The following ANKRD18B variants were observed in gnomAD, a reference collection of about 807,000 sequenced individuals.
The protein encoded by ANKRD18B is ankyrin repeat domain 18B.
A neutral mutation model predicts 111.8 loss-of-function variants in ANKRD18B; 75 were observed. The observed-to-expected ratio is 0.67, with a 90% CI of 0.56 to 0.81. ANKRD18B has a LOEUF of 0.81. Among genes scored for constraint, ANKRD18B ranks in the 40% least tolerant of loss-of-function variants. The pLI, the probability that ANKRD18B is intolerant of heterozygous loss-of-function variation, is 0.00. For missense variants in ANKRD18B, 1,038 were observed against 1,225.5 expected (o/e 0.85, Z 2.28); for synonymous variants, 356 against 417.3 (o/e 0.85, Z 1.79).
chr9:33,561,893 C>T (rs963374425), intron 14 of ANKRD18B, among the ~76,000 whole-genome samples: 1 of 152,032 alleles, frequency 6.6e-6, no homozygotes, highest in Non-Finnish European at 1.5e-5. Flanking sequence ...TATTCTTATA[C>T]CAGGACCAAA....
At chr9:33,570,227 A>G (rs1299020345) in intron 17 of ANKRD18B, among the ~76,000 whole-genome samples, 2 of 152,230 alleles carry the variant, frequency 1.3e-5, no homozygotes, top group African/African-American at 2.4e-5. Context: ...ATTTGCACTC[A>G]TATGTGGGAG....
At chr9:33,531,924 C>G (rs948254142) in intron 3 of ANKRD18B, among the ~76,000 whole-genome samples, 3 of 152,012 alleles carry the variant, frequency 2.0e-5, no homozygotes, top group Admixed American at 2.0e-4. Flanking sequence ...TCTTTCTTCT[C>G]AGCAATGTCC....
At chr9:33,531,564 G>T (rs10971552) in intron 3 of ANKRD18B, among the ~76,000 whole-genome samples, 6,850 of 149,834 alleles carry the variant, frequency 0.046, 237 homozygotes, top group African/African-American at 0.096. Flanking sequence ...GGTTGCCCTG[G>T]GTAGGAGGCA....
chr9:33,555,798 G>C lies in ANKRD18B; in HGVS notation c.2308G>C (p.Glu770Gln), dbSNP rs1400467988. 1 of 1,398,254 alleles carries C rather than the reference G, an allele frequency of 7.2e-7. No homozygotes were observed. The highest frequency in any genetic ancestry group is 9.3e-7 in the Non-Finnish European group (1 of 1,074,400). The allele number at this position is 1,398,254 out of a possible 1,614,324, so 86.6% of individuals were successfully genotyped here. ...TADQIRKKNR[E>Q]LEEEATGYKK... The stretch of plus-strand genomic sequence containing the variant: ...GGATCAAATAAGAAAGAAAAATCGT[G>C]AATTAGAAGAAGAGGCAACTGGGTA... Residue 770 changes from glutamate (E) to glutamine (Q), a missense_variant, in exon 13 of 19, where the codon GAA (glutamate) becomes CAA (glutamine). By Grantham distance (29) the Glu-to-Gln change is conservative (BLOSUM62 2). Coordinates refer to ENST00000684830, the MANE Select transcript of ANKRD18B (RefSeq NM_001393611.1).
chr9:33,543,936 T>A (rs1349936116), intron 10 of ANKRD18B, among the ~76,000 whole-genome samples: 1 of 152,248 alleles, frequency 6.6e-6, no homozygotes, highest in African/African-American at 2.4e-5. Context: ...ATAACCTATC[T>A]AGATAACACT....
At chr9:33,533,042 A>G (rs1402179431) in intron 3 of ANKRD18B, among the ~76,000 whole-genome samples, 1 of 152,156 alleles carries the variant, frequency 6.6e-6, no homozygotes, top group African/African-American at 2.4e-5. Context: ...TCATTAATTT[A>G]TTTTAAAAAC....
chr9:33,530,527 C>CA (rs34371607), intron 3 of ANKRD18B, among the ~76,000 whole-genome samples: 21,243 of 82,860 alleles, frequency 0.26, 2,334 homozygotes, highest in Middle Eastern at 0.26. Context: ...ACAACAAGAG[C>CA]AAAAAAAAAA....
chr9:33,548,575 A>G lies in ANKRD18B; in HGVS notation c.1787A>G (p.His596Arg), dbSNP rs1396656612. The part of the protein sequence containing the change: ...QHRIKEMKQM[H>R]PNGEAKESQS... ...CGAATAAAGGAAATGAAGCAGATGC[A>G]TCCAAATGGGGAAGCTAAAGAAAGT... Residue 596 changes from histidine to arginine, a missense_variant, in exon 11 of 19, where the codon CAT becomes CGT. By Grantham distance (29) the His-to-Arg change is conservative. Coordinates refer to ENST00000684830, the MANE Select transcript of ANKRD18B (RefSeq NM_001393611.1). 6.4e-7 allele frequency: 1 copy of G among 1,551,302 alleles called. No homozygotes were observed. Among genetic ancestry groups the G allele is most frequent in the Non-Finnish European group, 8.7e-7 (1 of 1,146,702 alleles).
Position 33,533,540 on chromosome 9 carries a change from C to A in ANKRD18B, c.597C>A (p.Phe199Leu). The stretch of plus-strand genomic sequence containing the variant: ...CAAATATACATGCCGTTGACAATTT[C>A]AAAAGGTGCAATAGTTTTTGTTTTC... ...NQANIHAVDN[F>L]KRTALILAVQ... is the part of the protein sequence containing the mutation. Residue 199 changes from phenylalanine to leucine, a missense_variant, in exon 4 of 19, where the codon TTC becomes TTA. Transcript: ENST00000684830. 6.5e-7 allele frequency: 1 copy of A among 1,531,196 alleles called. No homozygotes were observed. Among genetic ancestry groups the A allele is most frequent in the South Asian group, 1.3e-5 (1 of 79,482 alleles). 94.9% of individuals were successfully genotyped at this position (1,531,196 alleles called of 1,614,324 possible).
chr9:33,534,224 A>G (rs1268309954), intron 4 of ANKRD18B, 146 bp from the exon 5 acceptor site: 1 of 1,103,178 alleles, frequency 9.1e-7, no homozygotes, highest in Non-Finnish European at 1.2e-6. Context: ...AGCACCCAAG[A>G]TGCTTATACA....
chr9:33,532,266 T>C (rs888920249), intron 3 of ANKRD18B, among the ~76,000 whole-genome samples: 5 of 152,146 alleles, frequency 3.3e-5, no homozygotes, highest in African/African-American at 1.2e-4. Context: ...AAGTGACTTA[T>C]TGGCTCTTAT....
At position 33,568,907 on chromosome 9, in the gene ANKRD18B, C is replaced by T; in HGVS notation, c.3177+14C>T. 1 of 1,516,466 alleles carries T rather than the reference C, an allele frequency of 6.6e-7. No individual in the cohort carries two copies. Among genetic ancestry groups the T allele is most frequent in the Non-Finnish European group, 8.8e-7 (1 of 1,132,042 alleles). The allele number at this position is 1,516,466 out of a possible 1,614,324, so 93.9% of individuals were successfully genotyped here. A position where few individuals can be genotyped will look rare whatever the true frequency, so the allele number is the denominator to read the frequency against. On this transcript the variant is annotated intron_variant, in intron 17 of 18. Transcript: ENST00000684830. ...TCCTTGACTGAGGTTAGTTATATGACCATTTCTCTTTTGGGTTTCATTTCT... is the reference window on the plus strand; with the variant it reads ...TCCTTGACTGAGGTTAGTTATATGATCATTTCTCTTTTGGGTTTCATTTCT...
At chr9:33,537,955 A>G (rs1355334193) in intron 6 of ANKRD18B, among the ~76,000 whole-genome samples, 2 of 152,212 alleles carry the variant, frequency 1.3e-5, no homozygotes, top group East Asian at 3.8e-4. Flanking sequence ...CTTCATCTTT[A>G]TCATCTTCAG....
At chr9:33,537,581 A>G (rs1313560294) in intron 6 of ANKRD18B, among the ~76,000 whole-genome samples, 1 of 152,150 alleles carries the variant, frequency 6.6e-6, no homozygotes, top group East Asian at 1.9e-4. Context: ...TACGAATTGG[A>G]CTTGTTATGC....
chr9:33,556,381 A>AATCCATC (rs1373229802), intron 13 of ANKRD18B, among the ~76,000 whole-genome samples: 1 of 151,416 alleles, frequency 6.6e-6, no homozygotes, highest in Non-Finnish European at 1.5e-5. Context: ...CTCTTGCCTC[A>AATCCATC]GCCTCCTGAG....
intron 3 of ANKRD18B, among the ~76,000 whole-genome samples, chr9:33,530,516 C>A: frequency 8.6e-6 from 1 of 116,410 alleles, no homozygotes; most frequent in Admixed American, 1.0e-4. Flanking sequence ...TGTCTCTTAC[C>A]ACAACAAGAG....
chr9:33,524,598 A>C lies in ANKRD18B; in HGVS notation c.109A>C (p.Lys37Gln). Residue 37 changes from lysine (K) to glutamine (Q), a missense_variant, in exon 1 of 19, where the codon AAG becomes CAG. Transcript: ENST00000684830. ...GYHIRDWELRKIHRAAIKGDA... is the reference protein window; with the variant it reads ...GYHIRDWELRQIHRAAIKGDA... ...CCACATTCGGGACTGGGAACTGCGG[A>C]AGATCCACAGGGCGGCCATCAAGGG... The C allele has an allele frequency of 1.3e-6, 2 of 1,551,534 alleles. No homozygotes were observed. Among genetic ancestry groups the C allele is most frequent in the South Asian group, 1.2e-5 (1 of 84,052 alleles).
chr9:33,543,684 G>A (rs960473669), intron 10 of ANKRD18B, among the ~76,000 whole-genome samples: 1 of 152,186 alleles, frequency 6.6e-6, no homozygotes, highest in African/African-American at 2.4e-5. Flanking sequence ...CAGTGCTGAG[G>A]TTAAAGACTT....
chr9:33,574,917 CAGTT>C (rs1828839156), downstream of ANKRD18B, among the ~76,000 whole-genome samples: 4 of 152,134 alleles, frequency 2.6e-5, no homozygotes, highest in South Asian at 8.3e-4. Flanking sequence ...TGTTTTGGAG[CAGTT>C]AGAGACACAC....
Sources: gnomAD v4.1 joint callset for allele counts (sites outside exome capture counted in the v4.1 genomes callset) on GRCh38, gnomAD v4.1.1 for gene constraint, MANE v1.5 for transcripts, NCBI Gene and HGNC (gene_info 2026-07-23, HGNC 2026-07-21) for gene names.